Variants in JMJD1C observed in about 807,000 individuals in gnomAD.
JMJD1C encodes jumonji domain-containing protein 1C.
In JMJD1C, 31 loss-of-function variants were observed where a neutral mutation model predicts 245.3. The observed-to-expected ratio is 0.13, with a 90% CI of 0.09 to 0.17. The LOEUF is 0.17. JMJD1C is among the 10% of genes least tolerant of loss of function. The probability of loss-of-function intolerance (pLI) is 1.00; values close to 1 mark genes in which losing one functional copy is unlikely to be tolerated. For synonymous variants in JMJD1C, 1,057 were observed against 1,017.4 expected (o/e 1.04, Z -0.74); for missense variants, 2,691 against 3,000.2 (o/e 0.90, Z 2.41).
At position 63,389,456 on chromosome 10, in the gene JMJD1C, C is replaced by CT. The variant is rs201032087; in HGVS notation, c.169-8975dup. Among the ~76,000 whole-genome samples the CT allele has an allele frequency of 4.8e-3, 675 of 139,452 alleles. 7 individuals are homozygous for CT. Among genetic ancestry groups the CT allele is most frequent in the African/African-American group, 0.015 (569 of 37,810 alleles). 91.5% of individuals were successfully genotyped at this position (139,452 alleles called of 152,430 possible). On this transcript the variant is annotated intron_variant, in intron 1 of 25. Transcript: ENST00000399262. ...GAATTTTGTTTTTCTTTTTTTTTTC[C>CT]TTTTTTTTTTTTCCCAAAAACTCAC... is the stretch of plus-strand genomic sequence containing the variant.
intron 1 of JMJD1C, among the ~76,000 whole-genome samples, chr10:63,505,713 C>A (rs1457397520): frequency 6.6e-6 from 1 of 151,678 alleles, no homozygotes; most frequent in Non-Finnish European, 1.5e-5. Context: ...ATAGGCTGTA[C>A]AAACAATTTC....
At chr10:63,259,210 C>A (rs781095405) in intron 3 of JMJD1C, among the ~76,000 whole-genome samples, 1 of 152,194 alleles carries the variant, frequency 6.6e-6, no homozygotes, top group Non-Finnish European at 1.5e-5. Flanking sequence ...CCTCTATCAA[C>A]AAGATTTCAA....
At chr10:63,324,134 CAAATGCTA>C (rs1345491387) in intron 2 of JMJD1C, among the ~76,000 whole-genome samples, 1 of 151,006 alleles carries the variant, frequency 6.6e-6, no homozygotes, top group African/African-American at 2.4e-5. Context: ...TCTACTAGCT[CAAATGCTA>C]ATCTCTTCGG....
At chr10:63,392,867 A>AACACACACACAAAC (rs374404040) in intron 1 of JMJD1C, among the ~76,000 whole-genome samples, 27 of 112,282 alleles carry the variant, frequency 2.4e-4, no homozygotes, top group East Asian at 2.0e-3. Context: ...AAAGTACATA[A>AACACACACACAAAC]ACACACACAC....
At chr10:63,183,163 A>C (rs972425064) in intron 22 of JMJD1C, among the ~76,000 whole-genome samples, 1 of 152,202 alleles carries the variant, frequency 6.6e-6, no homozygotes, top group African/African-American at 2.4e-5. Context: ...GCCCAGCCTC[A>C]ATAAATGTTT....
At chr10:63,284,415 A>G (rs1030553640) in intron 2 of JMJD1C, among the ~76,000 whole-genome samples, 7 of 152,168 alleles carry the variant, frequency 4.6e-5, no homozygotes, top group African/African-American at 1.7e-4. Flanking sequence ...TTCATTCTGA[A>G]GAATCCTGAA....
intron 1 of JMJD1C, among the ~76,000 whole-genome samples, chr10:63,501,243 T>C (rs188654246): frequency 6.6e-6 from 1 of 152,236 alleles, no homozygotes; most frequent in South Asian, 2.1e-4. Context: ...TTTAGTTATA[T>C]GAATTTTAAA....
intron 2 of JMJD1C, among the ~76,000 whole-genome samples, chr10:63,333,494 C>T (rs973638895): frequency 2.0e-5 from 3 of 151,998 alleles, no homozygotes; most frequent in Non-Finnish European, 2.9e-5. Flanking sequence ...GCTGCAACGA[C>T]TGCACTCCAG....
Position 63,209,117 on chromosome 10 carries a change from A to C in JMJD1C, c.2813T>G (p.Ile938Ser). 1.2e-6 allele frequency: 2 copies of C among 1,613,990 alleles called. No homozygotes were observed. The highest frequency in any genetic ancestry group is 1.7e-6 in the Non-Finnish European group (2 of 1,179,894). ...SSAEPHRPLK[I>S]TAHSSPPLTK... ...CAATGGTGGACTGGAATGGGCTGTA[A>C]TTTTAAGAGGCCGATGAGGCTCTGC... The change falls in exon 9 of 26, where the codon ATT becomes AGT. Residue 938 changes from isoleucine (I) to serine (S), a missense_variant. This residue lies in a region of JMJD1C where 1,562 missense variants were observed against 1,490.7 expected (regional missense o/e 1.05). Transcript: ENST00000399262.
At chr10:63,320,031 G>A (rs1235258887) in intron 2 of JMJD1C, among the ~76,000 whole-genome samples, 1 of 152,106 alleles carries the variant, frequency 6.6e-6, no homozygotes, top group Non-Finnish European at 1.5e-5. Flanking sequence ...CTCCCAAAGC[G>A]CTTGGATTAC....
intron 18 of JMJD1C, among the ~76,000 whole-genome samples, chr10:63,188,831 T>C (rs1006623399): frequency 6.6e-6 from 1 of 152,206 alleles, no homozygotes; most frequent in Non-Finnish European, 1.5e-5. Flanking sequence ...ATAGTAGACA[T>C]GGATCTACTA....
At chr10:63,291,354 C>T (rs945143425) in intron 2 of JMJD1C, among the ~76,000 whole-genome samples, 5 of 146,086 alleles carry the variant, frequency 3.4e-5, no homozygotes, top group Admixed American at 7.0e-5. Flanking sequence ...AGGTGGCTCA[C>T]GCTTGTAATC....
intron 22 of JMJD1C, among the ~76,000 whole-genome samples, chr10:63,180,893 C>A (rs1471447468): frequency 6.6e-6 from 1 of 151,480 alleles, no homozygotes; most frequent in African/African-American, 2.4e-5. Flanking sequence ...CTCAGCCTCC[C>A]AAGTAGCTGG....
chr10:63,208,087 T>C lies in JMJD1C; in HGVS notation c.3582A>G (p.Thr1194=). 1 of 1,614,150 alleles carries C rather than the reference T, an allele frequency of 6.2e-7. No homozygotes were observed. The highest frequency in any genetic ancestry group is 8.5e-7 in the Non-Finnish European group (1 of 1,180,000). ...RSPTHLTVSS[T]NTLRSMPALH... Reference sequence around the variant, plus strand: ...ATGCAGGCATACTGCGGAGTGTATTTGTAGAAGAAACTGTCAAATGGGTAG... The same window carrying C: ...ATGCAGGCATACTGCGGAGTGTATTCGTAGAAGAAACTGTCAAATGGGTAG... Residue 1194 remains threonine (T), a synonymous_variant, in exon 10 of 26, where the codon ACA becomes ACG. Transcript: ENST00000399262.
intron 1 of JMJD1C, among the ~76,000 whole-genome samples, chr10:63,390,685 A>C (rs559066629): frequency 6.6e-6 from 1 of 152,320 alleles, no homozygotes; most frequent in African/African-American, 2.4e-5. Context: ...CAAAAACATC[A>C]AGATCAAGTG....
chr10:63,469,946 C>A (rs570207102), upstream of JMJD1C, among the ~76,000 whole-genome samples: 3 of 152,092 alleles, frequency 2.0e-5, no homozygotes, highest in Admixed American at 6.6e-5. Context: ...GGTTTGTATA[C>A]CCTAAGCACT....
At chr10:63,237,661 G>A (rs987925562) in intron 3 of JMJD1C, among the ~76,000 whole-genome samples, 10 of 152,052 alleles carry the variant, frequency 6.6e-5, no homozygotes, top group African/African-American at 2.4e-4. Context: ...CAAAATGCTT[G>A]GAGTCAGAAG....
At chr10:63,203,460 A>T (rs1330603942) in intron 10 of JMJD1C, 2 of 985,246 alleles carry the variant, frequency 2.0e-6, no homozygotes, top group East Asian at 2.3e-4. Context: ...CCAAACATTA[A>T]TCTCTGATAT....
At chr10:63,286,214 G>C (rs1222913207) in intron 2 of JMJD1C, among the ~76,000 whole-genome samples, 2 of 152,180 alleles carry the variant, frequency 1.3e-5, no homozygotes, top group African/African-American at 4.8e-5. Flanking sequence ...AAAGAAACAT[G>C]AGACACACAC....
Sources: allele counts gnomAD v4.1 joint callset (sites outside exome capture counted in the v4.1 genomes callset), GRCh38; gene constraint gnomAD v4.1.1; regional missense constraint gnomAD v4.1.1; transcripts MANE v1.5; gene names NCBI Gene and HGNC (gene_info 2026-07-23, HGNC 2026-07-21).